The following TOM1 variants were observed in gnomAD, a reference collection of about 807,000 sequenced individuals.
TOM1 encodes the protein target of Myb protein 1.
Under a neutral mutation model 61.3 loss-of-function variants are expected in TOM1, and 38 were observed. The ratio of observed to expected loss-of-function variants is 0.62; its 90% CI spans 0.48 to 0.81. TOM1 has a LOEUF of 0.81. TOM1 is among the 40% of genes least tolerant of loss of function. The pLI is 0.00. For missense variants in TOM1, 591 were observed against 659.6 expected (o/e 0.90, Z 1.14); for synonymous variants, 270 against 268.8 (o/e 1.00, Z -0.04).
At chr22:35,313,980 G>A (rs1430173408) in intron 1 of TOM1, among the ~76,000 whole-genome samples, 4 of 152,348 alleles carry the variant, frequency 2.6e-5, no homozygotes, top group South Asian at 2.1e-4. Flanking sequence ...ACCACTGTCC[G>A]TGTTTTTATT....
At chr22:35,303,622 C>T (rs998679249) in intron 1 of TOM1, among the ~76,000 whole-genome samples, 6 of 151,594 alleles carry the variant, frequency 4.0e-5, no homozygotes, top group Non-Finnish European at 5.9e-5. Context: ...CTCAGCCTCC[C>T]GAGTAGCTGG....
At chr22:35,329,974 C>T (rs370726976) in intron 7 of TOM1, among the ~76,000 whole-genome samples, 1 of 152,060 alleles carries the variant, frequency 6.6e-6, no homozygotes, top group African/African-American at 2.4e-5. Context: ...GCTGGAGGCC[C>T]GTGCATTAGA....
intron 1 of TOM1, among the ~76,000 whole-genome samples, chr22:35,307,571 C>T (rs1014318184): frequency 6.6e-6 from 1 of 152,162 alleles, no homozygotes; most frequent in Non-Finnish European, 1.5e-5. Flanking sequence ...TCAAGGGACA[C>T]GGGAAACTTA....
At position 35,347,491 on chromosome 22, in the gene TOM1, G is replaced by T. The variant is rs1235181098; in HGVS notation, c.*282G>T. ...CTGAGAAGTGGAGGCCCCAGGACAG[G>T]CTGGCTGGCTGGCTGGCTGCTTGAC... On this transcript the variant is annotated 3_prime_UTR_variant, in exon 15 of 15. Transcript: ENST00000449058. The T allele has an allele frequency of 1.7e-5, 5 of 293,944 alleles. No homozygotes were observed. Among genetic ancestry groups the T allele is most frequent in the Non-Finnish European group, 3.2e-5 (5 of 158,392 alleles). The allele number at this position is 293,944 out of a possible 1,614,324, so 18.2% of individuals were successfully genotyped here. A position where few individuals can be genotyped will look rare whatever the true frequency, so the allele number is the denominator to read the frequency against.
intron 10 of TOM1, 102 bp from the exon 11 acceptor site, chr22:35,334,226 C>T: frequency 6.7e-7 from 1 of 1,485,940 alleles, no homozygotes; most frequent in Non-Finnish European, 9.0e-7. Context: ...ACACGTGCCA[C>T]TTCCCCAGCA....
chr22:35,338,265 C>T (rs2145709318), intron 11 of TOM1, among the ~76,000 whole-genome samples: 1 of 152,308 alleles, frequency 6.6e-6, no homozygotes, highest in African/African-American at 2.4e-5. Context: ...GACAAGATGG[C>T]ACCTCACCCA....
intron 1 of TOM1, among the ~76,000 whole-genome samples, chr22:35,307,336 A>G (rs1457250822): frequency 6.6e-6 from 1 of 152,054 alleles, no homozygotes; most frequent in Non-Finnish European, 1.5e-5. Flanking sequence ...TTTTTTTCCT[A>G]TCCTGCATTA....
intron 1 of TOM1, among the ~76,000 whole-genome samples, chr22:35,303,589 C>T (rs138740): frequency 0.51 from 76,523 of 149,392 alleles, 22,438 homozygotes; most frequent in Non-Finnish European, 0.65. Context: ...CCTCTGCCCC[C>T]CAGGTTCAAG....
intron 7 of TOM1, among the ~76,000 whole-genome samples, chr22:35,327,908 C>G (rs748621118): frequency 7.9e-5 from 12 of 152,146 alleles, no homozygotes; most frequent in Admixed American, 3.9e-4. Context: ...TCCCACGGCC[C>G]CAGCCCAGAT....
At chr22:35,345,542 C>A (rs1020697585) in intron 12 of TOM1, 183 bp from the exon 13 acceptor site, 9 of 636,118 alleles carry the variant, frequency 1.4e-5, no homozygotes, top group Non-Finnish European at 2.6e-5. Context: ...TGCTTAGTCT[C>A]CTGGCTCTGC....
intron 13 of TOM1, 121 bp from the exon 14 acceptor site, chr22:35,346,809 A>C (rs1418852662): frequency 3.0e-5 from 28 of 939,860 alleles, no homozygotes; most frequent in Non-Finnish European, 9.8e-6. Context: ...GGGGGCGTGC[A>C]GAGCCTGAGC....
chr22:35,313,981 T>C (rs999358053), intron 1 of TOM1, among the ~76,000 whole-genome samples: 4 of 152,372 alleles, frequency 2.6e-5, no homozygotes, highest in South Asian at 4.1e-4. Context: ...CCACTGTCCG[T>C]GTTTTTATTC....
Position 35,323,649 on chromosome 22 carries a change from C to A in TOM1, c.501+19C>A, listed in dbSNP as rs375718275. Reference sequence around the variant, plus strand: ...CCAGAGGGTGAGAGAACTGCCGTACCGGGAACCAAGGGAAGGGAGGCAGGA... The same window carrying A: ...CCAGAGGGTGAGAGAACTGCCGTACAGGGAACCAAGGGAAGGGAGGCAGGA... On this transcript the variant is annotated intron_variant, in intron 5 of 14. Coordinates refer to ENST00000449058, the MANE Select transcript of TOM1 (RefSeq NM_005488.3). The surrounding 1 kb of genome is among the most constrained non-coding windows in gnomAD (Gnocchi z 4.2). 2 of 1,614,040 alleles carry A rather than the reference C, an allele frequency of 1.2e-6. No homozygotes were observed. Among genetic ancestry groups the A allele is most frequent in the South Asian group, 2.2e-5 (2 of 91,072 alleles).
intron 1 of TOM1, among the ~76,000 whole-genome samples, chr22:35,313,498 A>G (rs1053267826): frequency 6.6e-6 from 1 of 152,100 alleles, no homozygotes; most frequent in Non-Finnish European, 1.5e-5. Context: ...GCCTTTCCTG[A>G]TGTCATACTG....
At position 35,334,437 on chromosome 22, in the gene TOM1, C is replaced by T. The variant is rs764988880; in HGVS notation, c.1137C>T (p.Asp379=). 1.2e-6 allele frequency: 2 copies of T among 1,613,888 alleles called. No homozygotes were observed. The highest frequency in any genetic ancestry group is 8.5e-7 in the Non-Finnish European group (1 of 1,180,018). The change falls in exon 11 of 15, where the codon GAC becomes GAT. Residue 379 remains aspartate, a synonymous_variant. Transcript: ENST00000449058. ...TGACACGGGGCAGCTCACTGGCTGACCAACGGAAAGAGTGAGTGGCCTGGC... is the reference window on the plus strand; with the variant it reads ...TGACACGGGGCAGCTCACTGGCTGATCAACGGAAAGAGTGAGTGGCCTGGC... ...FALTRGSSLA[D]QRKEVKYEAP...
In TOM1 at chr22:35,333,412, T is replaced by A. The variant is rs1173566299; in HGVS notation, c.942T>A (p.Ser314Arg). The A allele has an allele frequency of 1.2e-6, 2 of 1,613,780 alleles. No individual in the cohort carries two copies. The highest frequency in any genetic ancestry group is 1.7e-6 in the Non-Finnish European group (2 of 1,179,942). Residue 314 changes from serine to arginine, a missense_variant, in exon 10 of 15, where the codon AGT becomes AGA. Transcript: ENST00000449058. ...ATCTCCCTTCCCACCAGGCCCCAAG[T>A]GAGGCCGAGCCGGCAGCTGACCTGA... ...FRTGQTTKAP[S>R]EAEPAADLID...
chr22:35,323,512 TC>T lies in TOM1; in HGVS notation c.385del (p.Arg129AlafsTer6). 1 of 1,614,134 alleles carries T rather than the reference TC, an allele frequency of 6.2e-7. No individual in the cohort carries two copies. The highest frequency in any genetic ancestry group is 8.5e-7 in the Non-Finnish European group (1 of 1,180,028). On this transcript the variant is annotated frameshift_variant, in exon 5 of 15. Transcript: ENST00000449058. LOFTEE classifies it high-confidence loss of function. This position sits in a 1 kb window ranked among gnomAD's most constrained non-coding sequence, Gnocchi z 4.2. ...LNLIQSWADA[F>X]RSSPDLTGVV... ...CCCTCTCAGTCCTGGGCTGACGCGT[TC>T]CGCAGCTCGCCCGATCTGACAGGTG...
intron 2 of TOM1, among the ~76,000 whole-genome samples, chr22:35,321,078 A>G (rs542426022): frequency 1.3e-5 from 2 of 151,678 alleles, no homozygotes; most frequent in African/African-American, 2.4e-5. Flanking sequence ...AGCTGGGCTC[A>G]GGGACTCATG....
At chr22:35,329,971 G>T (rs1025495230) in intron 7 of TOM1, among the ~76,000 whole-genome samples, 3 of 152,132 alleles carry the variant, frequency 2.0e-5, no homozygotes, top group Non-Finnish European at 4.4e-5. Context: ...GGGGCTGGAG[G>T]CCCGTGCATT....
Sources: allele counts gnomAD v4.1 joint callset (sites outside exome capture counted in the v4.1 genomes callset), GRCh38; gene constraint gnomAD v4.1.1; non-coding constraint Gnocchi (gnomAD v3.1); transcripts MANE v1.5; gene names NCBI Gene and HGNC (gene_info 2026-07-23, HGNC 2026-07-21).